The following APPBP2 variants were observed in gnomAD, a reference collection of about 807,000 sequenced individuals.
APPBP2 encodes the protein amyloid beta precursor protein binding protein 2, also known as amyloid protein-binding protein 2.
In APPBP2, 15 loss-of-function variants were observed where a neutral mutation model predicts 76.0. The observed-to-expected ratio is 0.20, with a 90% CI of 0.13 to 0.30. The LOEUF (loss-of-function observed/expected upper bound fraction) is 0.30, where lower values mean the gene tolerates loss of function less well. Ranked by LOEUF, APPBP2 falls within the 10% of genes least tolerant of loss-of-function variation. The pLI is 1.00. For synonymous variants in APPBP2, 222 were observed against 242.2 expected, an observed-to-expected ratio of 0.92 and a Z score of 0.77; for missense variants, 401 against 687.2, an observed-to-expected ratio of 0.58 and a Z score of 4.66.
chr17:60,494,155 T>C (rs760612536), intron 3 of APPBP2, among the ~76,000 whole-genome samples: 3 of 152,180 alleles, frequency 2.0e-5, no homozygotes, highest in Non-Finnish European at 4.4e-5. Context: ...TGGAATCACA[T>C]AGACACAGGA....
intron 1 of APPBP2, among the ~76,000 whole-genome samples, chr17:60,514,277 G>A (rs1190074550): frequency 3.3e-5 from 5 of 152,078 alleles, no homozygotes; most frequent in African/African-American, 1.2e-4. Context: ...CTGGGTAACA[G>A]AGCAAGACCC....
intron 4 of APPBP2, among the ~76,000 whole-genome samples, chr17:60,477,234 C>T (rs1396055222): frequency 1.3e-5 from 2 of 152,050 alleles, no homozygotes; most frequent in African/African-American, 4.8e-5. Flanking sequence ...AAAACTAAAC[C>T]TTTTGGTAAG....
chr17:60,462,155 A>G (rs1206210212), intron 6 of APPBP2, 94 bp from the exon 7 acceptor site: 6 of 978,466 alleles, frequency 6.1e-6, no homozygotes, highest in Non-Finnish European at 9.5e-6. Context: ...AGAGTTAATA[A>G]GAAAAAAAAC....
chr17:60,451,053 A>G (rs1454367531), intron 12 of APPBP2, among the ~76,000 whole-genome samples: 1 of 152,224 alleles, frequency 6.6e-6, no homozygotes, highest in African/African-American at 2.4e-5. Context: ...TGGAAATCCA[A>G]ATGTTCCAAA....
chr17:60,449,255 T>C (rs749058366), intron 12 of APPBP2, among the ~76,000 whole-genome samples: 9 of 152,114 alleles, frequency 5.9e-5, no homozygotes, highest in Non-Finnish European at 7.3e-5. Context: ...CACATGTATA[T>C]GGATAAATGA....
At chr17:60,510,081 ATTCAT>A (rs1446193732) in intron 1 of APPBP2, among the ~76,000 whole-genome samples, 1 of 150,970 alleles carries the variant, frequency 6.6e-6, no homozygotes, top group Non-Finnish European at 1.5e-5. Flanking sequence ...CACTTACATG[ATTCAT>A]TTATTATTAT....
At position 60,445,552 on chromosome 17, in the gene APPBP2, A is replaced by G. The variant is rs1024799050; in HGVS notation, c.*2029T>C. ...ACCACTGGATTCTAAATAACCAATA[A>G]AAGTATACAAAGCCTATCCTGAAAA... is the stretch of plus-strand genomic sequence containing the variant. On this transcript the variant is annotated 3_prime_UTR_variant, in exon 13 of 13. Transcript: ENST00000083182. 1 of 152,680 alleles carries G rather than the reference A, an allele frequency of 6.5e-6. No individual in the cohort carries two copies. The highest frequency in any genetic ancestry group is 2.1e-4 in the South Asian group (1 of 4,834). The allele number at this position is 152,680 out of a possible 1,614,324, so 9.5% of individuals were successfully genotyped here. A position where few individuals can be genotyped will look rare whatever the true frequency, so the allele number is the denominator to read the frequency against.
chr17:60,498,187 C>A (rs971717410), intron 2 of APPBP2, among the ~76,000 whole-genome samples: 21 of 151,842 alleles, frequency 1.4e-4, no homozygotes, highest in African/African-American at 5.1e-4. Flanking sequence ...ACTACTACTA[C>A]ATGATGATAC....
intron 2 of APPBP2, chr17:60,496,360 A>G (rs1219525023): frequency 2.6e-5 from 4 of 152,200 alleles, no homozygotes; most frequent in Admixed American, 6.5e-5. Flanking sequence ...TGGGTAAAGG[A>G]AAAAAAGGTC....
chr17:60,493,263 C>G (rs2090745077), intron 3 of APPBP2, among the ~76,000 whole-genome samples: 1 of 152,094 alleles, frequency 6.6e-6, no homozygotes, highest in African/African-American at 2.4e-5. Flanking sequence ...CAGATTAATA[C>G]AATTGTGCCA....
At chr17:60,468,355 G>A (rs954605594) in intron 4 of APPBP2, 17 of 152,134 alleles carry the variant, frequency 1.1e-4, no homozygotes, top group African/African-American at 4.1e-4. Flanking sequence ...TTGAAACACA[G>A]ATTTGATAGC....
intron 12 of APPBP2, among the ~76,000 whole-genome samples, chr17:60,450,387 G>C (rs1322302139): frequency 2.1e-4 from 32 of 150,642 alleles, no homozygotes; most frequent in Admixed American, 2.1e-3. Context: ...GCAGTAAGCC[G>C]AGATCGCGCC....
intron 1 of APPBP2, chr17:60,513,691 A>T (rs912817280): frequency 3.2e-4 from 55 of 169,386 alleles, no homozygotes; most frequent in Admixed American, 3.8e-4. Flanking sequence ...GTGAAACCCC[A>T]TTTCTACTAA....
At chr17:60,505,191 CTT>C (rs1225707679) in intron 1 of APPBP2, among the ~76,000 whole-genome samples, 11 of 152,242 alleles carry the variant, frequency 7.2e-5, no homozygotes, top group African/African-American at 1.9e-4. Context: ...CATTACCACT[CTT>C]GTCTCCCTCA....
chr17:60,523,064 G>A (rs1317915247), intron 1 of APPBP2, among the ~76,000 whole-genome samples: 2 of 151,754 alleles, frequency 1.3e-5, no homozygotes, highest in Non-Finnish European at 2.9e-5. Flanking sequence ...CACCAAACAA[G>A]CAGAATGGGG....
intron 5 of APPBP2, among the ~76,000 whole-genome samples, chr17:60,465,928 T>C (rs2090507512): frequency 1.3e-5 from 2 of 152,142 alleles, no homozygotes; most frequent in African/African-American, 2.4e-5. Flanking sequence ...CTCAACTTAC[T>C]GGGCTCAAGG....
At chr17:60,461,224 A>T (rs2090473917) in intron 8 of APPBP2, 1 of 153,622 alleles carries the variant, frequency 6.5e-6, no homozygotes, top group Admixed American at 6.5e-5. Flanking sequence ...AAAATACAAA[A>T]ATTAGCCGGG....
intron 1 of APPBP2, among the ~76,000 whole-genome samples, chr17:60,523,046 C>T (rs1259425497): frequency 6.6e-6 from 1 of 151,956 alleles, no homozygotes; most frequent in East Asian, 1.9e-4. Flanking sequence ...CACAGTCATA[C>T]TGTAGTACAC....
At chr17:60,515,297 G>C (rs552840112) in intron 1 of APPBP2, among the ~76,000 whole-genome samples, 22 of 151,514 alleles carry the variant, frequency 1.5e-4, no homozygotes, top group Non-Finnish European at 2.8e-4. Context: ...TGTACTTTTA[G>C]TAGAGACGGG....
Sources: gnomAD v4.1 joint callset for allele counts (sites outside exome capture counted in the v4.1 genomes callset) on GRCh38, gnomAD v4.1.1 for gene constraint, MANE v1.5 for transcripts, NCBI Gene and HGNC (gene_info 2026-07-23, HGNC 2026-07-21) for gene names.